The following STK3 variants were observed in gnomAD, a reference collection of about 807,000 sequenced individuals.
STK3 encodes the protein serine/threonine-protein kinase 3.
A neutral mutation model predicts 58.0 loss-of-function variants in STK3; 41 were observed. That is an observed-to-expected ratio of 0.71 (90% CI 0.55 to 0.92). The LOEUF (loss-of-function observed/expected upper bound fraction) is 0.92, where lower values mean the gene tolerates loss of function less well. Among genes scored for constraint, STK3 ranks in the 40% least tolerant of loss-of-function variants. The pLI is 0.00. For missense variants in STK3, 479 were observed against 602.7 expected, an observed-to-expected ratio of 0.79 and a Z score of 2.15; for synonymous variants, 170 against 191.0, an observed-to-expected ratio of 0.89 and a Z score of 0.91.
intron 7 of STK3, among the ~76,000 whole-genome samples, chr8:98,594,412 C>T (rs1270758690): frequency 6.6e-6 from 1 of 151,922 alleles, no homozygotes. Context: ...CCAGCCTGAT[C>T]AACATGGCGA....
chr8:98,425,691 C>A lies in STK3; in HGVS notation n.483+8436G>T, dbSNP rs565494905. ...TGGATGCAGGAGCCCCCATTCGAAG[C>A]CAGATTAACGGTCCTCTACAGGTCC... On this transcript the variant is annotated intron_variant and non_coding_transcript_variant, in intron 3 of 3. Transcript: ENST00000517832. Among the ~76,000 whole-genome samples, 4 of 152,316 alleles carry A rather than the reference C, an allele frequency of 2.6e-5. No individual in the cohort carries two copies. In the South Asian group the frequency reaches 8.3e-4, roughly 32 times the overall value.
At chr8:98,371,712 T>C (rs774500935) in intron 2 of STK3, 1 of 152,200 alleles carries the variant, frequency 6.6e-6, no homozygotes, top group African/African-American at 2.4e-5. Context: ...GGCTGACCCC[T>C]CAAGATTATG....
rs1587555730 is a variant in STK3 at position 98,765,949 on chromosome 8, C to T, written c.236+1294G>A. ...TCCATTTAACTATCCAACCTCATTT[C>T]ATTCTGTTCTCTGTCCCATACTTTC... On this transcript the variant is annotated intron_variant, in intron 3 of 10. Transcript: ENST00000419617. Among the ~76,000 whole-genome samples, 3 of 152,244 alleles carry T rather than the reference C, an allele frequency of 2.0e-5. No individual in the cohort carries two copies. The East Asian group carries it at 5.8e-4, about 29-fold the overall frequency.
chr8:98,826,076 G>T (rs1174616862), upstream of STK3, among the ~76,000 whole-genome samples: 1 of 152,138 alleles, frequency 6.6e-6, no homozygotes, highest in South Asian at 2.1e-4. Flanking sequence ...AGAGCTAGGG[G>T]GCGAGGCCGG....
In STK3 at chr8:98,825,507, T is replaced by G; in HGVS notation, c.26+8A>C. 2.8e-6 allele frequency: 4 copies of G among 1,444,912 alleles called. No homozygotes were observed. The highest frequency in any genetic ancestry group is 1.3e-5 in the South Asian group (1 of 76,982). 89.5% of individuals were successfully genotyped at this position (1,444,912 alleles called of 1,614,324 possible). On this transcript the variant is annotated splice_region_variant and intron_variant, in intron 1 of 10. Transcript: ENST00000419617. ...TTCCCTCCTTCTTCCCGCTCCCCGA[T>G]TCGTTACCTCTTAGGCGCCGGCGGC...
At chr8:98,419,333 T>C (rs897042678) in intron 3 of STK3, among the ~76,000 whole-genome samples, 1 of 151,672 alleles carries the variant, frequency 6.6e-6, no homozygotes, top group Non-Finnish European at 1.5e-5. Flanking sequence ...TGCACTCTAG[T>C]GTGGGCAACA....
At chr8:98,840,899 A>G (rs1168536013) in intron 3 of STK3, among the ~76,000 whole-genome samples, 1 of 152,072 alleles carries the variant, frequency 6.6e-6, no homozygotes, top group African/African-American at 2.4e-5. Context: ...AGTCACCTCA[A>G]GATTTAACTG....
chr8:98,904,924 T>C, intron 1 of STK3: 1 of 703,714 alleles, frequency 1.4e-6, no homozygotes. Flanking sequence ...TGGGACATGG[T>C]CTGCTCTGCC....
intron 1 of STK3, among the ~76,000 whole-genome samples, chr8:98,780,083 T>C (rs1381304141): frequency 1.3e-5 from 2 of 151,820 alleles, no homozygotes; most frequent in Admixed American, 6.6e-5. Flanking sequence ...ATTTTAATAA[T>C]GTAGTATAAC....
intron 3 of STK3, among the ~76,000 whole-genome samples, chr8:98,422,887 C>T: frequency 6.6e-6 from 1 of 152,200 alleles, no homozygotes; most frequent in East Asian, 1.9e-4. Flanking sequence ...TGCCGATTTG[C>T]CCTCACCAGA....
rs1818342687 is a variant in STK3, at chr8:98,432,108, T to C, written n.483+2019A>G. On this transcript the variant is annotated intron_variant and non_coding_transcript_variant, in intron 3 of 3. Coordinates refer to the STK3 transcript ENST00000517832. ...GTTTACAGGTGCTCTCCACTGGGTC[T>C]TTGATCGACCTTGCTAGATAACATC... 1.8e-5 allele frequency: 3 copies of C among 166,894 alleles called. No homozygotes were observed. The South Asian group carries it at 6.2e-4, about 35-fold the overall frequency. The allele number at this position is 166,894 out of a possible 1,614,324, so 10.3% of individuals were successfully genotyped here.
intron 3 of STK3, among the ~76,000 whole-genome samples, chr8:98,866,522 G>A (rs992712239): frequency 4.6e-5 from 7 of 152,206 alleles, no homozygotes; most frequent in African/African-American, 1.7e-4. Flanking sequence ...AGCACTCTGG[G>A]GTGGTGAGGC....
At chr8:98,570,200 C>T (rs1367750477) in intron 8 of STK3, among the ~76,000 whole-genome samples, 2 of 151,480 alleles carry the variant, frequency 1.3e-5, no homozygotes, top group Non-Finnish European at 2.9e-5. Flanking sequence ...ATGATCATGG[C>T]TCACTGCAGC....
intron 4 of STK3, among the ~76,000 whole-genome samples, chr8:98,712,267 A>G (rs1042103554): frequency 6.6e-6 from 1 of 152,330 alleles, no homozygotes; most frequent in East Asian, 1.9e-4. Flanking sequence ...GACAGGATCA[A>G]ATTCACACAT....
chr8:98,699,333 T>G (rs1825318472), intron 6 of STK3, among the ~76,000 whole-genome samples: 1 of 152,240 alleles, frequency 6.6e-6, no homozygotes, highest in Non-Finnish European at 1.5e-5. Flanking sequence ...TGGAGTAGTT[T>G]GATCGTCTGA....
chr8:98,749,052 CA>C (rs897649503), intron 4 of STK3, among the ~76,000 whole-genome samples: 7 of 151,638 alleles, frequency 4.6e-5, no homozygotes, highest in African/African-American at 1.7e-4. Context: ...TGTGACACAC[CA>C]AAAATTATCC....
chr8:98,790,283 A>G (rs1206170076), intron 1 of STK3, among the ~76,000 whole-genome samples: 1 of 152,202 alleles, frequency 6.6e-6, no homozygotes, highest in Non-Finnish European at 1.5e-5. Flanking sequence ...TTAACAAAAT[A>G]CTAGCTAACC....
intron 6 of STK3, among the ~76,000 whole-genome samples, chr8:98,653,704 C>T (rs1821190450): frequency 6.6e-6 from 1 of 152,160 alleles, no homozygotes; most frequent in Admixed American, 6.5e-5. Flanking sequence ...ACTATAAACA[C>T]CTCTGTGCAA....
chr8:98,372,705 G>A (rs1299419863), intron 2 of STK3, among the ~76,000 whole-genome samples: 1 of 152,192 alleles, frequency 6.6e-6, no homozygotes, highest in Non-Finnish European at 1.5e-5. Flanking sequence ...TTCAGTCTGG[G>A]GAACAGAGGC....
Sources: gnomAD v4.1 joint callset for allele counts (sites outside exome capture counted in the v4.1 genomes callset) on GRCh38, gnomAD v4.1.1 for gene constraint, MANE v1.5 for transcripts, NCBI Gene and HGNC (gene_info 2026-07-23, HGNC 2026-07-21) for gene names.